The following TAF4 variants were observed in gnomAD, a reference collection of about 807,000 sequenced individuals.
TAF4 encodes TATA-box binding protein associated factor 4.
In TAF4, 9 loss-of-function variants were observed where a neutral mutation model predicts 90.3. The ratio of observed to expected loss-of-function variants is 0.10; its 90% CI spans 0.06 to 0.17. TAF4 has a LOEUF of 0.17. Among genes scored for constraint, TAF4 ranks in the 10% least tolerant of loss-of-function variants. The pLI is 1.00. For missense variants in TAF4, 1,351 were observed against 1,370.7 expected (o/e 0.99, Z 0.23); for synonymous variants, 818 against 638.9 (o/e 1.28, Z -4.23).
intron 1 of TAF4, among the ~76,000 whole-genome samples, chr20:62,042,717 C>T (rs1465112430): frequency 6.6e-6 from 1 of 152,270 alleles, no homozygotes; most frequent in African/African-American, 2.4e-5. Flanking sequence ...AACAATGTTA[C>T]TGGTTTACAT....
intron 14 of TAF4, among the ~76,000 whole-genome samples, chr20:61,993,109 G>A (rs1478874923): frequency 1.3e-5 from 2 of 152,188 alleles, no homozygotes; most frequent in African/African-American, 2.4e-5. Context: ...AAACAGTAGT[G>A]GAGGAAGAGT....
intron 1 of TAF4, among the ~76,000 whole-genome samples, chr20:62,020,699 T>C (rs2055837645): frequency 6.6e-6 from 1 of 152,080 alleles, no homozygotes; most frequent in Non-Finnish European, 1.5e-5. Flanking sequence ...CTGATCAAAA[T>C]AAGCAAGAAA....
intron 1 of TAF4, among the ~76,000 whole-genome samples, chr20:62,064,121 C>A (rs1352311747): frequency 6.6e-6 from 1 of 152,256 alleles, no homozygotes; most frequent in African/African-American, 2.4e-5. Context: ...CCAACCCGGG[C>A]AGGGACGCAT....
At position 62,006,552 on chromosome 20, in the gene TAF4, G is replaced by A; in HGVS notation, c.2181C>T (p.Pro727=). ...LQPPVLSLTQ[P]TQVGVGKQGQ... The stretch of plus-strand genomic sequence containing the variant: ...CCTGCTTGCCGACGCCGACCTGCGT[G>A]GGCTGCGTGAGGCTGAGCACAGGGG... The change falls in exon 7 of 15, where the codon CCC becomes CCT. Residue 727 remains proline, a synonymous_variant. Coordinates refer to ENST00000252996, the MANE Select transcript of TAF4 (RefSeq NM_003185.4). This position sits in a 1 kb window ranked among gnomAD's most constrained non-coding sequence, Gnocchi z 7.0. 1 of 1,573,544 alleles carries A rather than the reference G, an allele frequency of 6.4e-7. No individual in the cohort carries two copies. Among genetic ancestry groups the A allele is most frequent in the Non-Finnish European group, 8.6e-7 (1 of 1,162,548 alleles).
At chr20:61,998,676 G>A (rs964534960) in intron 12 of TAF4, among the ~76,000 whole-genome samples, 7 of 152,362 alleles carry the variant, frequency 4.6e-5, no homozygotes, top group Middle Eastern at 3.4e-3. Context: ...CAAGGACAAC[G>A]TGAGTGTGAA....
intron 7 of TAF4, chr20:62,005,117 C>T (rs1025762513): frequency 6.6e-6 from 1 of 152,442 alleles, no homozygotes; most frequent in Non-Finnish European, 1.5e-5. Flanking sequence ...AACACCCACA[C>T]TGGACAGGAA....
chr20:62,026,561 T>C (rs776566692), intron 1 of TAF4, among the ~76,000 whole-genome samples: 1 of 152,160 alleles, frequency 6.6e-6, no homozygotes, highest in Non-Finnish European at 1.5e-5. Flanking sequence ...ACCAGCTCTG[T>C]GGGAGCTGGC....
At chr20:62,032,089 C>A (rs1358442425) in intron 1 of TAF4, among the ~76,000 whole-genome samples, 1 of 152,248 alleles carries the variant, frequency 6.6e-6, no homozygotes, top group African/African-American at 2.4e-5. Flanking sequence ...CCTCTGGAGT[C>A]TCCATGTTAA....
In TAF4 at chr20:62,014,625, A is replaced by G. The variant is rs2055802800; in HGVS notation, c.1443T>C (p.His481=). The G allele has an allele frequency of 1.9e-6, 3 of 1,613,950 alleles. No individual in the cohort carries two copies. Among genetic ancestry groups the G allele is most frequent in the African/African-American group, 1.3e-5 (1 of 74,944 alleles). The change falls in exon 2 of 15, where the codon CAT becomes CAC. Residue 481 remains histidine (H), a synonymous_variant. Coordinates refer to ENST00000252996, the MANE Select transcript of TAF4 (RefSeq NM_003185.4). ...QALAQMQAQA[H]AQPQTTMAPR... is the part of the protein sequence containing the mutation. ...GCGCCATGGTGGTCTGAGGCTGGGC[A>G]TGGGCCTGCGCCTGCATCTGGGCCA...
At chr20:62,013,292 G>T (rs2055790560) in intron 2 of TAF4, among the ~76,000 whole-genome samples, 1 of 152,244 alleles carries the variant, frequency 6.6e-6, no homozygotes, top group Non-Finnish European at 1.5e-5. Flanking sequence ...TGTCGCAAAG[G>T]GGTAGGGAGG....
intron 1 of TAF4, among the ~76,000 whole-genome samples, chr20:62,040,128 C>T (rs922991361): frequency 6.6e-6 from 1 of 152,174 alleles, no homozygotes; most frequent in Non-Finnish European, 1.5e-5. Context: ...AGTTATCTAC[C>T]CAAGACAAAG....
rs771573386 is a variant in TAF4, at chr20:61,999,111, A to C, written c.2788-3T>G. The C allele has an allele frequency of 6.2e-7, 1 of 1,613,716 alleles. No homozygotes were observed. The highest frequency in any genetic ancestry group is 8.5e-7 in the Non-Finnish European group (1 of 1,179,944). On this transcript the variant is annotated splice_region_variant and splice_polypyrimidine_tract_variant and intron_variant, in intron 11 of 14. Coordinates refer to ENST00000252996, the MANE Select transcript of TAF4 (RefSeq NM_003185.4). ...GCCTGCTCATATCTGTCGTCATCCTATGAAGAAAGTTAAAATACTGCTTGT... is the reference window on the plus strand; with the variant it reads ...GCCTGCTCATATCTGTCGTCATCCTCTGAAGAAAGTTAAAATACTGCTTGT...
intron 14 of TAF4, among the ~76,000 whole-genome samples, chr20:61,978,165 G>C (rs1600821679): frequency 1.2e-4 from 1 of 8,112 alleles, no homozygotes; most frequent in East Asian, 2.9e-3. Context: ...CCAACCAAGG[G>C]AGGGCGCGAG....
chr20:62,015,308 A>G (rs887521679), intron 1 of TAF4, among the ~76,000 whole-genome samples: 1 of 152,184 alleles, frequency 6.6e-6, no homozygotes, highest in Non-Finnish European at 1.5e-5. Flanking sequence ...CAGGAGAACC[A>G]TTTGCCCGTC....
Position 62,003,717 on chromosome 20 carries a change from C to A in TAF4, c.2371+14G>T. 3 of 1,570,638 alleles carry A rather than the reference C, an allele frequency of 1.9e-6. No homozygotes were observed. Among genetic ancestry groups the A allele is most frequent in the Non-Finnish European group, 2.6e-6 (3 of 1,163,854 alleles). ...CCTTGGTGTTGAGCGGCCAGGGGCC[C>A]GCGAGGCCCTCACCTGGCTGCAGTG... is the stretch of plus-strand genomic sequence containing the variant. On this transcript the variant is annotated intron_variant, in intron 8 of 14. Coordinates refer to ENST00000252996, the MANE Select transcript of TAF4 (RefSeq NM_003185.4).
intron 14 of TAF4, among the ~76,000 whole-genome samples, chr20:61,989,489 GT>G (rs1425732575): frequency 6.6e-6 from 1 of 151,844 alleles, no homozygotes; most frequent in African/African-American, 2.4e-5. Flanking sequence ...CAGCACTGCA[GT>G]GAGTGAGTGA....
chr20:61,981,524 T>C (rs2055540933), intron 14 of TAF4: 2 of 151,832 alleles, frequency 1.3e-5, no homozygotes, highest in East Asian at 1.9e-4. Context: ...AGAGACAAAA[T>C]TATCTCAGAA....
chr20:61,982,952 G>A (rs1241631193), intron 14 of TAF4, among the ~76,000 whole-genome samples: 3 of 142,662 alleles, frequency 2.1e-5, no homozygotes, highest in African/African-American at 7.5e-5. Flanking sequence ...AGCCGCCTCC[G>A]GTCAGGGCCC....
chr20:62,003,514 G>A (rs2055721506), intron 8 of TAF4, among the ~76,000 whole-genome samples: 1 of 152,196 alleles, frequency 6.6e-6, no homozygotes, highest in Non-Finnish European at 1.5e-5. Flanking sequence ...TACAGATAAA[G>A]AAGCTAACCA....
Sources: gnomAD v4.1 joint callset for allele counts (sites outside exome capture counted in the v4.1 genomes callset) on GRCh38, gnomAD v4.1.1 for gene constraint, Gnocchi (gnomAD v3.1) non-coding constraint, MANE v1.5 for transcripts, NCBI Gene and HGNC (gene_info 2026-07-23, HGNC 2026-07-21) for gene names.